BOC: variants seen among roughly 807,000 people sequenced by gnomAD.
The protein encoded by BOC is BOC cell adhesion associated, oncogene regulated.
Under a neutral mutation model 112.0 loss-of-function variants are expected in BOC, and 76 were observed. The ratio of observed to expected loss-of-function variants is 0.68; its 90% confidence interval spans 0.56 to 0.82. The LOEUF is 0.82. BOC is among the 40% of genes least tolerant of loss of function. The pLI is 0.00. For synonymous variants in BOC, 580 were observed against 599.8 expected, an observed-to-expected ratio of 0.97 and a Z score of 0.48; for missense variants, 1,309 against 1,511.7, an observed-to-expected ratio of 0.87 and a Z score of 2.22.
intron 4 of BOC, among the ~76,000 whole-genome samples, chr3:113,254,762 T>C (rs1055083815): frequency 1.3e-5 from 2 of 152,230 alleles, no homozygotes; most frequent in Non-Finnish European, 2.9e-5. Context: ...TGCCACCTCC[T>C]GCATCCACCC....
At chr3:113,232,916 G>C (rs1258437283) in intron 2 of BOC, among the ~76,000 whole-genome samples, 2 of 152,102 alleles carry the variant, frequency 1.3e-5, no homozygotes, top group Non-Finnish European at 2.9e-5. Flanking sequence ...TTGTTGTCCT[G>C]TGCCAAACTG....
At chr3:113,268,481 C>T in intron 5 of BOC, 36 bp downstream of exon 5, 1 of 1,603,074 alleles carries the variant, frequency 6.2e-7, no homozygotes, top group Non-Finnish European at 8.5e-7. Flanking sequence ...AAGGCTGAGG[C>T]CAGAAGGGAA....
At chr3:113,219,178 A>G (rs887805704) in intron 2 of BOC, among the ~76,000 whole-genome samples, 2 of 152,248 alleles carry the variant, frequency 1.3e-5, no homozygotes, top group African/African-American at 4.8e-5. Context: ...AAGAATTATT[A>G]TTCTCACTTG....
chr3:113,273,197 A>C lies in BOC; in HGVS notation c.1090A>C (p.Ile364Leu), dbSNP rs901153043. ...VLWLRNAVPLISSQRLRLSRR... is the reference protein window; with the variant it reads ...VLWLRNAVPLLSSQRLRLSRR... ...GTGGCTGAGGAATGCTGTGCCCCTC[A>C]TCTCCAGCCAGCGCCTCCGGCTCTC... The change falls in exon 8 of 20, where the codon ATC (isoleucine) becomes CTC (leucine). Residue 364 changes from isoleucine to leucine, a missense_variant. Ile to Leu is a conservative substitution (Grantham distance 5, BLOSUM62 2). Transcript: ENST00000682979. The C allele has an allele frequency of 5.6e-6, 9 of 1,613,798 alleles. No individual in the cohort carries two copies. Among genetic ancestry groups the C allele is most frequent in the Non-Finnish European group, 7.6e-6 (9 of 1,179,990 alleles).
chr3:113,274,594 A>G lies in BOC; in HGVS notation c.1454A>G (p.Lys485Arg). 6.2e-7 allele frequency: 1 copy of G among 1,613,724 alleles called. No individual in the cohort carries two copies. Among genetic ancestry groups the G allele is most frequent in the South Asian group, 1.1e-5 (1 of 91,090 alleles). Residue 485 changes from lysine (K) to arginine (R), a missense_variant, in exon 9 of 20, where the codon AAG becomes AGG. Physicochemically the swap from Lys to Arg is conservative, Grantham distance 26. Coordinates refer to ENST00000682979, the MANE Select transcript of BOC (RefSeq NM_001378074.1). The surrounding 1 kb of genome is among the most constrained non-coding windows in gnomAD (Gnocchi z 4.8). Reference protein sequence around the residue: ...PIILSSPRTSKTDSYELVWRP... With the variant: ...PIILSSPRTSRTDSYELVWRP... ...ATCCTCAGCTCGCCCCGCACCTCCAAGACAGACTCATATGAACTGGTGTGG... is the reference window on the plus strand; with the variant it reads ...ATCCTCAGCTCGCCCCGCACCTCCAGGACAGACTCATATGAACTGGTGTGG...
intron 2 of BOC, among the ~76,000 whole-genome samples, chr3:113,245,595 G>C (rs1029248619): frequency 4.6e-5 from 7 of 152,144 alleles, no homozygotes; most frequent in African/African-American, 1.7e-4. Context: ...CTGCCTTTAA[G>C]ACAATTGGGA....
chr3:113,272,839 G>A (rs1948273208), intron 7 of BOC, 136 bp downstream of exon 7: 1 of 1,182,120 alleles, frequency 8.5e-7, no homozygotes, highest in Non-Finnish European at 1.2e-6. Flanking sequence ...CAGGCATGCT[G>A]AAGAGTCAGG....
In BOC at chr3:113,268,961, C is replaced by CTCTG. The variant is rs553956097; in HGVS notation, c.523+520_523+523dup. Reference sequence around the variant, plus strand: ...GCAGGTGGCTTCCATTATGGAAGTCCTCTGTCTTAGCATGAGGAATTTCTT... The same window carrying CTCTG: ...GCAGGTGGCTTCCATTATGGAAGTCCTCTGTCTGTCTTAGCATGAGGAATTTCTT... On this transcript the variant is annotated intron_variant, in intron 5 of 19. Transcript: ENST00000682979. Among the ~76,000 whole-genome samples, 543 of 152,288 alleles carry CTCTG rather than the reference C, an allele frequency of 3.6e-3. 3 individuals carry two copies. The highest frequency in any genetic ancestry group is 5.4e-3 in the Non-Finnish European group (366 of 68,032).
chr3:113,268,526 G>C, intron 5 of BOC, 81 bp downstream of exon 5: 1 of 1,375,128 alleles, frequency 7.3e-7, no homozygotes, highest in Non-Finnish European at 1.0e-6. Flanking sequence ...GCTCAACAAA[G>C]CTAGGGCAGC....
Position 113,237,264 on chromosome 3 carries a change from C to A in BOC, c.-81-12458C>A, listed in dbSNP as rs115536716. Among the ~76,000 whole-genome samples the A allele has an allele frequency of 3.5e-3, 534 of 152,290 alleles. 2 individuals are homozygous for A. Among genetic ancestry groups the A allele is most frequent in the African/African-American group, 0.012 (486 of 41,548 alleles). ...CCGTGGGCTCAGCACATCATGGGAG[C>A]TGGGGTAAAACTAGGTGCCTTTCTC... On this transcript the variant is annotated intron_variant, in intron 2 of 19. Transcript: ENST00000682979.
At chr3:113,262,212 A>C (rs1349573848) in intron 4 of BOC, among the ~76,000 whole-genome samples, 1 of 152,096 alleles carries the variant, frequency 6.6e-6, no homozygotes, top group Admixed American at 6.5e-5. Flanking sequence ...AGCAGTACTC[A>C]CTCTGCCAAC....
At chr3:113,243,650 C>T (rs1249156512) in intron 2 of BOC, among the ~76,000 whole-genome samples, 2 of 152,124 alleles carry the variant, frequency 1.3e-5, no homozygotes, top group Non-Finnish European at 2.9e-5. Context: ...CTGTTTGGCA[C>T]ACCACCCTCC....
chr3:113,239,116 G>A (rs1476230703), intron 2 of BOC, among the ~76,000 whole-genome samples: 1 of 152,132 alleles, frequency 6.6e-6, no homozygotes, highest in African/African-American at 2.4e-5. Context: ...CAAACAAAGT[G>A]TAAAAACATC....
At chr3:113,243,550 G>A (rs1380324725) in intron 2 of BOC, among the ~76,000 whole-genome samples, 2 of 152,144 alleles carry the variant, frequency 1.3e-5, no homozygotes, top group Non-Finnish European at 2.9e-5. Flanking sequence ...AGAGAAGTAT[G>A]CACATATTAG....
intron 2 of BOC, among the ~76,000 whole-genome samples, chr3:113,236,798 T>C (rs1943626187): frequency 6.6e-6 from 1 of 152,240 alleles, no homozygotes; most frequent in South Asian, 2.1e-4. Flanking sequence ...CTGCATTAAA[T>C]CAGGCATCCA....
In BOC at chr3:113,285,384, T is replaced by A; in HGVS notation, c.2979T>A (p.Ser993=). The A allele has an allele frequency of 1.2e-6, 2 of 1,612,950 alleles. No homozygotes were observed. Among genetic ancestry groups the A allele is most frequent in the Admixed American group, 1.7e-5 (1 of 60,018 alleles). ...QSHQITRGPK[S]SPDEGSFLYT... is the part of the protein sequence containing the mutation. ...TTGTGCACTGCAGGGGTCCCAAGTC[T>A]AGCCCGGACGAGGGCTCTTTCTTAT... Residue 993 remains serine (S), a synonymous_variant, in exon 19 of 20, where the codon TCT becomes TCA. Coordinates refer to ENST00000682979, the MANE Select transcript of BOC (RefSeq NM_001378074.1).
chr3:113,221,634 G>A (rs774638151), intron 2 of BOC, among the ~76,000 whole-genome samples: 4 of 152,058 alleles, frequency 2.6e-5, no homozygotes, highest in East Asian at 1.9e-4. Context: ...CCTTCTCACC[G>A]CCCTGTCTTC....
intron 2 of BOC, among the ~76,000 whole-genome samples, chr3:113,231,551 G>A (rs1357477870): frequency 5.9e-5 from 9 of 152,160 alleles, no homozygotes; most frequent in Admixed American, 5.9e-4. Context: ...GTCCAGGTTT[G>A]TGGTCAAGTG....
chr3:113,233,822 A>G (rs948509126), intron 2 of BOC, among the ~76,000 whole-genome samples: 2 of 34,194 alleles, frequency 5.8e-5, no homozygotes, highest in African/African-American at 2.2e-4. Flanking sequence ...CACCCACCCC[A>G]TGCTTGGAAG....
Sources: gnomAD v4.1 joint callset for allele counts (sites outside exome capture counted in the v4.1 genomes callset) on GRCh38, gnomAD v4.1.1 for gene constraint, Gnocchi (gnomAD v3.1) non-coding constraint, MANE v1.5 for transcripts, NCBI Gene and HGNC (gene_info 2026-07-23, HGNC 2026-07-21) for gene names.